Variants in PTPRU observed in about 807,000 individuals in gnomAD.
PTPRU encodes the protein protein tyrosine phosphatase receptor type U.
PTPRU carries 69 observed loss-of-function variants against 166.3 expected under a neutral mutation model. That is an observed-to-expected ratio of 0.41 (90% CI 0.34 to 0.51). The LOEUF is 0.51. Among genes scored for constraint, PTPRU ranks in the 20% least tolerant of loss-of-function variants. The pLI is 0.09. For synonymous variants in PTPRU, 793 were observed against 814.0 expected (o/e 0.97, Z 0.44); for missense variants, 1,657 against 2,013.7 (o/e 0.82, Z 3.39).
At chr1:29,272,510 A>C (rs1395616650) in intron 7 of PTPRU, among the ~76,000 whole-genome samples, 1 of 152,176 alleles carries the variant, frequency 6.6e-6, no homozygotes, top group African/African-American at 2.4e-5. Flanking sequence ...CAGTGTTGAA[A>C]ACTGTGTTAC....
chr1:29,309,884 G>A (rs148835794), intron 18 of PTPRU, among the ~76,000 whole-genome samples: 17 of 152,300 alleles, frequency 1.1e-4, no homozygotes, highest in African/African-American at 2.2e-4. Flanking sequence ...TTTTCTCAGC[G>A]CCAGCCCTGC....
chr1:29,259,174 G>A lies in PTPRU; in HGVS notation c.478-87G>A, dbSNP rs1417168460. Reference sequence around the variant, plus strand: ...CTGACCTCTGCTAGTTGAGGCAGAGGAGGCTGAGGCCGAGCTGAAAGTGGG... The same window carrying A: ...CTGACCTCTGCTAGTTGAGGCAGAGAAGGCTGAGGCCGAGCTGAAAGTGGG... On this transcript the variant is annotated intron_variant, in intron 3 of 29. Transcript: ENST00000373779. 3.6e-6 allele frequency: 5 copies of A among 1,381,140 alleles called. No homozygotes were observed. The African/African-American group carries it at 4.3e-5, about 12-fold the overall frequency. 85.6% of individuals were successfully genotyped at this position (1,381,140 alleles called of 1,614,324 possible).
Position 29,236,626 on chromosome 1 carries a change from G to C in PTPRU, c.-19G>C. 1 of 1,237,706 alleles carries C rather than the reference G, an allele frequency of 8.1e-7. No homozygotes were observed. The allele number at this position is 1,237,706 out of a possible 1,614,324, so 76.7% of individuals were successfully genotyped here. A position where few individuals can be genotyped will look rare whatever the true frequency, so the allele number is the denominator to read the frequency against. ...CGTCCCCCGCGCCGGGCCCCGGGACGGGCGGCGACGCTCCAACCATGGCCC... is the reference window on the plus strand; with the variant it reads ...CGTCCCCCGCGCCGGGCCCCGGGACCGGCGGCGACGCTCCAACCATGGCCC... On this transcript the variant is annotated 5_prime_UTR_variant, in exon 1 of 30. Coordinates refer to ENST00000373779, the MANE Select transcript of PTPRU (RefSeq NM_133178.4). This position sits in a 1 kb window ranked among gnomAD's most constrained non-coding sequence, Gnocchi z 4.6.
At position 29,279,906 on chromosome 1, in the gene PTPRU, G is replaced by T. The variant is rs574902112; in HGVS notation, c.1766-133G>T. ...GAGGTCAGGGGCCAGGGTAGCTCAG[G>T]TCATGTCAGCAGGAACAAAGAGGCT... is the stretch of plus-strand genomic sequence containing the variant. On this transcript the variant is annotated intron_variant, in intron 10 of 29. Coordinates refer to ENST00000373779, the MANE Select transcript of PTPRU (RefSeq NM_133178.4). The surrounding 1 kb of genome is among the most constrained non-coding windows in gnomAD (Gnocchi z 5.2). The T allele has an allele frequency of 3.3e-4, 344 of 1,040,760 alleles. No individual in the cohort carries two copies. The highest frequency in any genetic ancestry group is 3.1e-4 in the Admixed American group (13 of 42,326). The allele number at this position is 1,040,760 out of a possible 1,614,324, so 64.5% of individuals were successfully genotyped here.
Position 29,238,218 on chromosome 1 carries a change from T to C in PTPRU, c.73+1501T>C, listed in dbSNP as rs1365666543. On this transcript the variant is annotated intron_variant, in intron 1 of 29. Coordinates refer to ENST00000373779, the MANE Select transcript of PTPRU (RefSeq NM_133178.4). This position sits in a 1 kb window ranked among gnomAD's most constrained non-coding sequence, Gnocchi z 6.1. ...TGAATGTATGTATACGGAGCCTGTG[T>C]TTGTGTGTCCGTGTGCTCGTCGGAG... Among the ~76,000 whole-genome samples, 3 of 151,432 alleles carry C rather than the reference T, an allele frequency of 2.0e-5. No individual in the cohort carries two copies. The highest frequency in any genetic ancestry group is 4.4e-5 in the Non-Finnish European group (3 of 67,782).
In PTPRU at chr1:29,316,012, T is replaced by G; in HGVS notation, c.3374T>G (p.Ile1125Ser). 1 of 1,614,046 alleles carries G rather than the reference T, an allele frequency of 6.2e-7. No homozygotes were observed. The highest frequency in any genetic ancestry group is 8.5e-7 in the Non-Finnish European group (1 of 1,179,970). The change falls in exon 24 of 30, where the codon ATC (isoleucine) becomes AGC (serine). Residue 1125 changes from isoleucine (I) to serine (S), a missense_variant. Physicochemically the swap from Ile to Ser is moderately radical, Grantham distance 142 (BLOSUM62 -2). Transcript: ENST00000373779. Reference protein sequence around the residue: ...VNMIQTEEQYIFIHDAILEAC... With the variant: ...VNMIQTEEQYSFIHDAILEAC... ...CATCTCCTGTTCCAGGAGCAGTACATCTTCATTCATGATGCAATCCTGGAG... is the reference window on the plus strand; with the variant it reads ...CATCTCCTGTTCCAGGAGCAGTACAGCTTCATTCATGATGCAATCCTGGAG...
chr1:29,304,775 G>A lies in PTPRU; in HGVS notation c.2669G>A (p.Ser890Asn). The change falls in exon 17 of 30, where the codon AGC (serine) becomes AAC (asparagine). Residue 890 changes from serine (S) to asparagine (N), a missense_variant and splice_region_variant. This residue lies in a region of PTPRU where 1,190 missense variants were observed against 1,477.4 expected (regional missense o/e 0.81). Transcript: ENST00000373779. ...EGYGFKQEYE[S>N]FFEGWDATKK... ...GACCACCACTTTTCTTTCTGGTAGAGCTTCTTTGAAGGCTGGGACGCCACA... is the reference window on the plus strand; with the variant it reads ...GACCACCACTTTTCTTTCTGGTAGAACTTCTTTGAAGGCTGGGACGCCACA... 6.2e-7 allele frequency: 1 copy of A among 1,609,244 alleles called. No homozygotes were observed. Among genetic ancestry groups the A allele is most frequent in the Non-Finnish European group, 8.5e-7 (1 of 1,176,232 alleles).
At chr1:29,258,461 C>T in intron 2 of PTPRU, 44 bp from the exon 3 acceptor site, 1 of 1,589,600 alleles carries the variant, frequency 6.3e-7, no homozygotes, top group Non-Finnish European at 8.6e-7. Context: ...CTGTCCCTCC[C>T]CTGAGGTCTC....
chr1:29,293,843 A>T (rs1416672585), intron 15 of PTPRU, among the ~76,000 whole-genome samples: 1 of 152,256 alleles, frequency 6.6e-6, no homozygotes, highest in Non-Finnish European at 1.5e-5. Context: ...GCTCATTTTC[A>T]TCCTTTATAA....
intron 15 of PTPRU, among the ~76,000 whole-genome samples, chr1:29,293,168 G>A (rs1178035089): frequency 2.6e-5 from 4 of 152,110 alleles, no homozygotes; most frequent in African/African-American, 9.7e-5. Context: ...TTAGTAGATG[G>A]GGTTTCACCA....
chr1:29,311,514 C>A lies in PTPRU; in HGVS notation c.2916C>A (p.Ser972=). 1 of 1,614,174 alleles carries A rather than the reference C, an allele frequency of 6.2e-7. No individual in the cohort carries two copies. The highest frequency in any genetic ancestry group is 8.5e-7 in the Non-Finnish European group (1 of 1,180,044). The part of the protein sequence containing the change: ...FWRMVWQEHC[S]SIVMITKLVE... ...GTATGGTGTGGCAGGAGCACTGTTCCAGCATCGTCATGATCACCAAGCTGG... is the reference window on the plus strand; with the variant it reads ...GTATGGTGTGGCAGGAGCACTGTTCAAGCATCGTCATGATCACCAAGCTGG... Residue 972 remains serine (S), a synonymous_variant, in exon 20 of 30, where the codon TCC becomes TCA. Transcript: ENST00000373779. The surrounding 1 kb of genome is among the most constrained non-coding windows in gnomAD (Gnocchi z 4.1).
At position 29,260,738 on chromosome 1, in the gene PTPRU, G is replaced by A. The variant is rs776361366; in HGVS notation, c.979G>A (p.Ala327Thr). Residue 327 changes from alanine (A) to threonine (T), a missense_variant, in exon 7 of 30, where the codon GCG becomes ACG. This residue lies in a region of PTPRU where 453 missense variants were observed against 496.9 expected (regional missense o/e 0.91). Transcript: ENST00000373779. The surrounding 1 kb of genome is among the most constrained non-coding windows in gnomAD (Gnocchi z 8.3). The stretch of plus-strand genomic sequence containing the variant: ...GCGCAAGGAGATTGAGTACCGCATG[G>A]CGCGCGGGCCCTGGGCTGAGGTGCA... Reference protein sequence around the residue: ...IVRKEIEYRMARGPWAEVHAV... With the variant: ...IVRKEIEYRMTRGPWAEVHAV... The A allele has an allele frequency of 6.2e-7, 1 of 1,610,816 alleles. No homozygotes were observed. The highest frequency in any genetic ancestry group is 1.1e-5 in the South Asian group (1 of 90,730).
chr1:29,241,570 ATT>A (rs1170440892), intron 1 of PTPRU, among the ~76,000 whole-genome samples: 1 of 140,736 alleles, frequency 7.1e-6, no homozygotes, highest in Non-Finnish European at 1.6e-5. Context: ...CCATGTGTCT[ATT>A]TTTTTTTTTT....
chr1:29,284,427 G>A (rs552159996), intron 13 of PTPRU, among the ~76,000 whole-genome samples: 2 of 152,312 alleles, frequency 1.3e-5, no homozygotes, highest in East Asian at 3.9e-4. Flanking sequence ...GAGGGCAAGA[G>A]GGTGGGGCTG....
rs1262463311 is a variant in PTPRU at position 29,258,678 on chromosome 1, C to G, written c.379C>G (p.Pro127Ala). ...CGTCTACGTGCGCGTTAATGGGGGC[C>G]CCCTGGGCAGTGCTGTGTGGAATAT... ...LGVYVRVNGG[P>A]LGSAVWNMTG... Residue 127 changes from proline to alanine, a missense_variant, in exon 3 of 30, where the codon CCC (proline) becomes GCC (alanine). Transcript: ENST00000373779. 6.2e-7 allele frequency: 1 copy of G among 1,614,026 alleles called. No homozygotes were observed. Among genetic ancestry groups the G allele is most frequent in the Non-Finnish European group, 8.5e-7 (1 of 1,180,018 alleles).
chr1:29,284,582 A>C, intron 13 of PTPRU, 149 bp from the exon 14 acceptor site: 2 of 1,054,836 alleles, frequency 1.9e-6, no homozygotes, highest in Non-Finnish European at 2.9e-6. Context: ...GATGGTGAGG[A>C]GGTAGATTTG....
chr1:29,289,875 T>C (rs1267878339), intron 14 of PTPRU, among the ~76,000 whole-genome samples: 1 of 152,182 alleles, frequency 6.6e-6, no homozygotes, highest in African/African-American at 2.4e-5. Flanking sequence ...TCCTCTGCTC[T>C]GTCCTTCCCC....
At chr1:29,305,842 T>TA (rs1687366771) in intron 18 of PTPRU, among the ~76,000 whole-genome samples, 1 of 152,218 alleles carries the variant, frequency 6.6e-6, no homozygotes, top group Admixed American at 6.5e-5. Context: ...AGGGAGTTGT[T>TA]AAAGTGTTTT....
At position 29,292,498 on chromosome 1, in the gene PTPRU, G is replaced by A. The variant is rs116271321; in HGVS notation, c.2476+472G>A. Reference sequence around the variant, plus strand: ...ATGGGAATGCAGATTGCCTCTGCTAGTAGGGCCGATGTGAAGACTAAATGA... The same window carrying A: ...ATGGGAATGCAGATTGCCTCTGCTAATAGGGCCGATGTGAAGACTAAATGA... On this transcript the variant is annotated intron_variant, in intron 15 of 29. Transcript: ENST00000373779. 8.3e-3 allele frequency among the ~76,000 whole-genome samples: 1,271 copies of A among 152,262 alleles called. 19 individuals carry two copies. The highest frequency in any genetic ancestry group is 0.029 in the African/African-American group (1,208 of 41,542).
Sources: gnomAD v4.1 joint callset for allele counts (sites outside exome capture counted in the v4.1 genomes callset) on GRCh38, gnomAD v4.1.1 for gene constraint, gnomAD v4.1.1 regional missense constraint, Gnocchi (gnomAD v3.1) non-coding constraint, MANE v1.5 for transcripts, NCBI Gene and HGNC (gene_info 2026-07-23, HGNC 2026-07-21) for gene names.